Variants in BRWD3 observed in about 807,000 individuals in gnomAD.
The protein encoded by BRWD3 is bromodomain and WD repeat domain containing 3.
A neutral mutation model predicts 149.7 loss-of-function variants in BRWD3; 10 were observed. That is an observed-to-expected ratio of 0.07 (90% confidence interval 0.04 to 0.11). BRWD3 has a LOEUF of 0.11. Ranked by LOEUF, BRWD3 falls within the 10% of genes least tolerant of loss-of-function variation. The pLI is 1.00. For synonymous variants in BRWD3, 504 were observed against 456.7 expected (o/e 1.10, Z -1.32); for missense variants, 940 against 1,373.2 (o/e 0.68, Z 4.99).
intron 12 of BRWD3, 107 bp from the exon 13 acceptor site, chrX:80,730,127 A>G (rs2073304363): frequency 1.7e-5 from 9 of 530,929 alleles, no homozygotes; most frequent in Non-Finnish European, 2.6e-5. Flanking sequence ...AGGGGAATGT[A>G]AAATGGTACA....
At chrX:80,714,159 A>G (rs773760388) in intron 20 of BRWD3, among the ~76,000 whole-genome samples, 4 of 109,290 alleles carry the variant, frequency 3.7e-5, no homozygotes, top group Admixed American at 9.8e-5. Context: ...TTTTCTCTGA[A>G]GTTTGCTACC....
At chrX:80,751,921 T>G (rs1214240379) in intron 6 of BRWD3, among the ~76,000 whole-genome samples, 1 of 110,340 alleles carries the variant, frequency 9.1e-6, no homozygotes, top group Non-Finnish European at 1.9e-5. Context: ...TATGGCTGAA[T>G]AGTACTTGAT....
At chrX:80,798,381 T>C (rs2074259052) in intron 4 of BRWD3, among the ~76,000 whole-genome samples, 2 of 110,535 alleles carry the variant, frequency 1.8e-5, no homozygotes, top group Admixed American at 1.9e-4. Flanking sequence ...ATAAGAACTC[T>C]TACCCCGAAT....
At chrX:80,790,108 G>A (rs1344879830) in intron 6 of BRWD3, among the ~76,000 whole-genome samples, 2 of 103,219 alleles carry the variant, frequency 1.9e-5, no homozygotes, top group African/African-American at 3.6e-5. Context: ...TCGCTTGAAC[G>A]AGGGAGTGGG....
chrX:80,738,760 C>A (rs867344021), intron 8 of BRWD3, among the ~76,000 whole-genome samples: 40 of 111,756 alleles, frequency 3.6e-4, no homozygotes, highest in Middle Eastern at 4.6e-3. Flanking sequence ...CCAGGGAAGA[C>A]CACTCCAGAG....
At chrX:80,726,795 T>A (rs749326496) in intron 14 of BRWD3, among the ~76,000 whole-genome samples, 3 of 110,910 alleles carry the variant, frequency 2.7e-5, no homozygotes, top group Non-Finnish European at 5.7e-5. Flanking sequence ...TTATGATAAG[T>A]ACCATCACAA....
At chrX:80,759,023 C>T (rs995408270) in intron 6 of BRWD3, among the ~76,000 whole-genome samples, 1 of 111,558 alleles carries the variant, frequency 9.0e-6, no homozygotes, top group African/African-American at 3.3e-5. Flanking sequence ...TTATCAATGT[C>T]TGAGCCTTTT....
At chrX:80,790,430 A>T (rs1390086960) in intron 6 of BRWD3, among the ~76,000 whole-genome samples, 1 of 110,844 alleles carries the variant, frequency 9.0e-6, no homozygotes, top group African/African-American at 3.3e-5. Flanking sequence ...ACTACATGAA[A>T]ATACATCATG....
chrX:80,809,606 G>C lies in BRWD3; in HGVS notation c.-135C>G. ...CCGCCGCACTCCTCGTCCTAGTTTC[G>C]CTCTCTCTCGAATTCATCGCATCAC... is the stretch of plus-strand genomic sequence containing the variant. On this transcript the variant is annotated 5_prime_UTR_variant, in exon 1 of 41. Coordinates refer to ENST00000373275, the MANE Select transcript of BRWD3 (RefSeq NM_153252.5). 1 of 459,725 alleles carries C rather than the reference G, an allele frequency of 2.2e-6. No individual in the cohort carries two copies. The highest frequency in any genetic ancestry group is 3.8e-6 in the Non-Finnish European group (1 of 260,118). 37.9% of individuals were successfully genotyped at this position (459,725 alleles called of 1,213,427 possible).
chrX:80,717,514 A>T, intron 19 of BRWD3, 59 bp downstream of exon 19: 88 of 953,716 alleles, frequency 9.2e-5, no homozygotes, highest in Non-Finnish European at 1.2e-4. Context: ...GTACATTTCA[A>T]TTCACTTCCT....
In BRWD3 at chrX:80,712,599, C is replaced by T. The variant is rs750280560; in HGVS notation, c.2326-3022G>A. 1.0e-4 allele frequency among the ~76,000 whole-genome samples: 11 copies of T among 110,301 alleles called. No homozygotes were observed. In the East Asian group the frequency reaches 3.2e-3, roughly 32 times the overall value. On this transcript the variant is annotated intron_variant, in intron 20 of 40. Coordinates refer to ENST00000373275, the MANE Select transcript of BRWD3 (RefSeq NM_153252.5). ...GTCTGGGAAGTGAGGAGCGTCTCTG[C>T]CTGGCTGCCCATCGTCTGGGATGTG...
intron 6 of BRWD3, among the ~76,000 whole-genome samples, chrX:80,748,313 T>G (rs749960163): frequency 6.4e-4 from 72 of 112,439 alleles, no homozygotes; most frequent in Non-Finnish European, 1.2e-3. Context: ...GCACCCAGCC[T>G]TTTGCATCTA....
intron 6 of BRWD3, among the ~76,000 whole-genome samples, chrX:80,783,182 C>G (rs1217735769): frequency 9.1e-6 from 1 of 109,986 alleles, no homozygotes; most frequent in Admixed American, 9.8e-5. Context: ...GGTCAGGAAT[C>G]TAAGACCAGC....
At position 80,684,059 on chromosome X, in the gene BRWD3, C is replaced by T. The variant is rs889378149; in HGVS notation, c.4184G>A (p.Arg1395His). Residue 1395 changes from arginine (R) to histidine (H), a missense_variant, in exon 37 of 41, where the codon CGC (arginine) becomes CAC (histidine). By Grantham distance (29) the Arg-to-His change is conservative. Coordinates refer to ENST00000373275, the MANE Select transcript of BRWD3 (RefSeq NM_153252.5). ...GSPLEFYKDV[R>H]QIFNNSKAYT... ...AGCTTTGGAGTTGTTGAATATTTGG[C>T]GAACATCCTTATAAAATTCCAGAGG... The T allele has an allele frequency of 1.4e-5, 17 of 1,206,111 alleles. No homozygotes were observed. The highest frequency in any genetic ancestry group is 1.9e-5 in the Non-Finnish European group (17 of 892,416).
intron 6 of BRWD3, among the ~76,000 whole-genome samples, chrX:80,760,894 C>T (rs910924429): frequency 9.0e-6 from 1 of 111,494 alleles, no homozygotes; most frequent in Non-Finnish European, 1.9e-5. Flanking sequence ...GACTTAAAAG[C>T]TTAGTACCAG....
At chrX:80,717,550 T>C in intron 19 of BRWD3, 23 bp downstream of exon 19, 1 of 1,198,808 alleles carries the variant, frequency 8.3e-7, no homozygotes, top group Non-Finnish European at 1.1e-6. Context: ...AATTTTTTTC[T>C]AAATGTTACC....
chrX:80,676,393 T>C lies in BRWD3; in HGVS notation c.*216A>G, dbSNP rs2072367554. 2.2e-6 allele frequency: 1 copy of C among 446,808 alleles called. No individual in the cohort carries two copies. The highest frequency in any genetic ancestry group is 2.4e-5 in the African/African-American group (1 of 40,846). 36.8% of individuals were successfully genotyped at this position (446,808 alleles called of 1,213,427 possible). On this transcript the variant is annotated 3_prime_UTR_variant, in exon 41 of 41. Transcript: ENST00000373275. ...TGTGTTTGTGTGTGTGTGGGCAGAA[T>C]TTCTTTTAATTTAAGGCCTAATGAG...
Position 80,772,714 on chromosome X carries a change from A to G in BRWD3, c.430+19140T>C, listed in dbSNP as rs1412218261. Among the ~76,000 whole-genome samples the G allele has an allele frequency of 3.6e-5, 4 of 111,999 alleles. 1 individual carries two copies. In the Admixed American group the frequency reaches 3.8e-4, roughly 11 times the overall value. The stretch of plus-strand genomic sequence containing the variant: ...AAAAGCCACAAAACATTCAATTACC[A>G]TATGATCCCCAATTACAAACTTGGG... On this transcript the variant is annotated intron_variant, in intron 6 of 40. Coordinates refer to ENST00000373275, the MANE Select transcript of BRWD3 (RefSeq NM_153252.5).
intron 6 of BRWD3, among the ~76,000 whole-genome samples, chrX:80,774,270 T>C (rs1436456913): frequency 9.1e-6 from 1 of 109,690 alleles, no homozygotes; most frequent in East Asian, 2.9e-4. Flanking sequence ...TATTTTTTTA[T>C]TTTTTATTTT....
Sources: allele counts gnomAD v4.1 joint callset (sites outside exome capture counted in the v4.1 genomes callset), GRCh38; gene constraint gnomAD v4.1.1; transcripts MANE v1.5; gene names NCBI Gene and HGNC (gene_info 2026-07-23, HGNC 2026-07-21).